Variants in UFL1 observed in about 807,000 individuals in gnomAD.
UFL1 encodes the protein UFM1 specific ligase 1, also known as E3 UFM1-protein ligase 1.
In UFL1, 78 loss-of-function variants were observed where a neutral mutation model predicts 99.3. That is an observed-to-expected ratio of 0.79 (90% CI 0.65 to 0.95). UFL1 has a LOEUF of 0.95. UFL1 is among the 40% of genes least tolerant of loss of function. The pLI is 0.00. For missense variants in UFL1, 936 were observed against 937.0 expected, an observed-to-expected ratio of 1.00 and a Z score of 0.01; for synonymous variants, 335 against 322.2, an observed-to-expected ratio of 1.04 and a Z score of -0.42.
intron 2 of UFL1, 74 bp from the exon 3 acceptor site, chr6:96,524,308 T>C: frequency 1.4e-6 from 2 of 1,394,722 alleles, no homozygotes; most frequent in East Asian, 5.0e-5. Flanking sequence ...AAAACTTAAA[T>C]GTTAGAATTT....
intron 15 of UFL1, 130 bp downstream of exon 15, chr6:96,549,929 A>C: frequency 7.7e-7 from 1 of 1,306,006 alleles, no homozygotes; most frequent in Non-Finnish European, 1.0e-6. Context: ...AAAATCTAAA[A>C]GTTTTTTATT....
intron 3 of UFL1, 84 bp from the exon 4 acceptor site, chr6:96,525,213 T>C (rs1769681739): frequency 8.9e-7 from 1 of 1,124,472 alleles, no homozygotes; most frequent in African/African-American, 1.6e-5. Flanking sequence ...GCAATTTCTT[T>C]AAAAATATAG....
chr6:96,524,789 T>C (rs1769675829), intron 3 of UFL1, among the ~76,000 whole-genome samples: 2 of 152,152 alleles, frequency 1.3e-5, no homozygotes, highest in Admixed American at 1.3e-4. Flanking sequence ...ATGAAAGTAA[T>C]AGAGAAACAT....
chr6:96,531,920 T>C (rs1416496470), intron 6 of UFL1, among the ~76,000 whole-genome samples: 1 of 152,194 alleles, frequency 6.6e-6, no homozygotes, highest in African/African-American at 2.4e-5. Flanking sequence ...AGGCACCATA[T>C]CTTTGTATTT....
intron 5 of UFL1, 87 bp downstream of exon 5, chr6:96,526,522 G>C (rs2127948900): frequency 9.8e-7 from 1 of 1,023,714 alleles, no homozygotes; most frequent in South Asian, 1.4e-5. Flanking sequence ...AAAAAAATGA[G>C]ACTTCCTCAC....
At chr6:96,525,240 T>G (rs1351318843) in intron 3 of UFL1, 57 bp from the exon 4 acceptor site, 1 of 1,345,558 alleles carries the variant, frequency 7.4e-7, no homozygotes, top group African/African-American at 1.5e-5. Flanking sequence ...GTATATAATT[T>G]CAAGCTTAAG....
At chr6:96,533,851 C>T (rs374565657) in intron 6 of UFL1, among the ~76,000 whole-genome samples, 1 of 145,320 alleles carries the variant, frequency 6.9e-6, no homozygotes, top group African/African-American at 2.5e-5. Flanking sequence ...TCACCCTAAT[C>T]TAGCCTCATG....
rs1205984427 is a variant in UFL1 at position 96,527,562 on chromosome 6, T to C, written c.466-940T>C. Among the ~76,000 whole-genome samples the C allele has an allele frequency of 2.0e-5, 3 of 152,182 alleles. No homozygotes were observed. In the East Asian group the frequency reaches 5.8e-4, roughly 29 times the overall value. On this transcript the variant is annotated intron_variant, in intron 5 of 18. Coordinates refer to ENST00000369278, the MANE Select transcript of UFL1 (RefSeq NM_015323.5). ...TGAGCTTCCCTAATTCCATTTAAAATACCATTTATAGTATAGATCTGTTTT... is the reference window on the plus strand; with the variant it reads ...TGAGCTTCCCTAATTCCATTTAAAACACCATTTATAGTATAGATCTGTTTT...
intron 6 of UFL1, among the ~76,000 whole-genome samples, chr6:96,532,075 C>T (rs1042482720): frequency 3.9e-5 from 6 of 152,128 alleles, no homozygotes; most frequent in African/African-American, 1.4e-4. Context: ...GAGCAGGAAG[C>T]AGTTAGTGAG....
At chr6:96,552,031 T>G in intron 17 of UFL1, 108 bp downstream of exon 17, 1 of 724,936 alleles carries the variant, frequency 1.4e-6, no homozygotes, top group Non-Finnish European at 2.4e-6. Context: ...ATGTACCTAA[T>G]GTGTCTAATA....
intron 4 of UFL1, 68 bp from the exon 5 acceptor site, chr6:96,526,253 A>G: frequency 7.3e-7 from 1 of 1,363,560 alleles, no homozygotes; most frequent in South Asian, 1.3e-5. Flanking sequence ...GAAATTAAAC[A>G]TAAAATGAGG....
intron 8 of UFL1, among the ~76,000 whole-genome samples, 197 bp downstream of exon 8, chr6:96,536,587 T>C (rs1769857485): frequency 6.6e-6 from 1 of 151,782 alleles, no homozygotes; most frequent in Non-Finnish European, 1.5e-5. Context: ...ATGGTTCCCT[T>C]TGAGTATAAA....
At chr6:96,526,882 A>T (rs1419039789) in intron 5 of UFL1, among the ~76,000 whole-genome samples, 1 of 152,198 alleles carries the variant, frequency 6.6e-6, no homozygotes, top group Non-Finnish European at 1.5e-5. Context: ...AAGGTCAAGG[A>T]TGCTGCTAAA....
chr6:96,543,679 T>C (rs1425922323), intron 12 of UFL1, among the ~76,000 whole-genome samples: 1 of 151,044 alleles, frequency 6.6e-6, no homozygotes, highest in African/African-American at 2.4e-5. Flanking sequence ...TTCACAATTC[T>C]TGGAGATATT....
At chr6:96,542,423 A>G (rs1374177871) in intron 11 of UFL1, among the ~76,000 whole-genome samples, 1 of 151,330 alleles carries the variant, frequency 6.6e-6, no homozygotes, top group Non-Finnish European at 1.5e-5. Context: ...TATCTCCTCT[A>G]AAAACAGGTA....
chr6:96,533,186 A>G (rs1366203328), intron 6 of UFL1, among the ~76,000 whole-genome samples: 3 of 152,022 alleles, frequency 2.0e-5, no homozygotes, highest in Non-Finnish European at 4.4e-5. Context: ...TAAAAAGTCT[A>G]GATTCTTTTC....
chr6:96,551,410 T>C, intron 15 of UFL1, 23 bp from the exon 16 acceptor site: 1 of 1,328,322 alleles, frequency 7.5e-7, no homozygotes, highest in Non-Finnish European at 1.0e-6. Flanking sequence ...CAGTACTGAA[T>C]GAATTTTCAT....
Position 96,542,235 on chromosome 6 carries a change from A to T in UFL1, c.1280-659A>T, listed in dbSNP as rs571923369. ...CATTTGTTTCATAATTTGTTTTTTT[A>T]AGTCTATAGTCAATAGGTAATAATA... On this transcript the variant is annotated intron_variant, in intron 11 of 18. Coordinates refer to ENST00000369278, the MANE Select transcript of UFL1 (RefSeq NM_015323.5). 2.6e-5 allele frequency among the ~76,000 whole-genome samples: 4 copies of T among 151,302 alleles called. No individual in the cohort carries two copies. In the South Asian group the frequency reaches 8.3e-4, roughly 31 times the overall value.
intron 4 of UFL1, among the ~76,000 whole-genome samples, chr6:96,525,743 AT>A (rs1769690561): frequency 6.6e-6 from 1 of 151,882 alleles, no homozygotes; most frequent in African/African-American, 2.4e-5. Flanking sequence ...ATAAACTTCT[AT>A]TTTTTTCTTA....
Sources: gnomAD v4.1 joint callset for allele counts (sites outside exome capture counted in the v4.1 genomes callset) on GRCh38, gnomAD v4.1.1 for gene constraint, MANE v1.5 for transcripts, NCBI Gene and HGNC (gene_info 2026-07-23, HGNC 2026-07-21) for gene names.